Variants in ABCA12 observed in about 807,000 individuals in gnomAD.
ABCA12 encodes ATP binding cassette subfamily A member 12.
A neutral mutation model predicts 293.5 loss-of-function variants in ABCA12; 156 were observed. The observed-to-expected ratio is 0.53, with a 90% confidence interval of 0.47 to 0.61. The LOEUF is 0.61. Among genes scored for constraint, ABCA12 ranks in the 20% least tolerant of loss-of-function variants. ABCA12 has a pLI of 0.00. For missense variants in ABCA12, 2,797 were observed against 3,090.2 expected, an observed-to-expected ratio of 0.91 and a Z score of 2.25; for synonymous variants, 1,063 against 1,108.0, an observed-to-expected ratio of 0.96 and a Z score of 0.81.
chr2:215,078,252 G>A (rs1701871124), intron 2 of ABCA12, among the ~76,000 whole-genome samples: 1 of 152,156 alleles, frequency 6.6e-6, no homozygotes, highest in Non-Finnish European at 1.5e-5. Flanking sequence ...AAAAACAATA[G>A]CCAGGGAAAA....
intron 2 of ABCA12, among the ~76,000 whole-genome samples, chr2:215,084,833 C>T (rs1230551461): frequency 6.6e-6 from 1 of 152,112 alleles, no homozygotes; most frequent in African/African-American, 2.4e-5. Flanking sequence ...GTGGCTCACA[C>T]CAGTAATCCC....
At chr2:214,953,818 T>G (rs1337251236) in intron 44 of ABCA12, 36 bp downstream of exon 44, 1 of 1,606,784 alleles carries the variant, frequency 6.2e-7, no homozygotes, top group East Asian at 2.2e-5. Context: ...TGAGTTCTGT[T>G]TTAGATGTCA....
chr2:215,089,665 T>C (rs777864154), intron 2 of ABCA12, among the ~76,000 whole-genome samples: 6 of 152,214 alleles, frequency 3.9e-5, no homozygotes, highest in Admixed American at 2.6e-4. Context: ...AGGATTTTTA[T>C]CCATTGTTTC....
At chr2:215,096,810 T>C (rs954180564) in intron 2 of ABCA12, among the ~76,000 whole-genome samples, 12 of 152,232 alleles carry the variant, frequency 7.9e-5, no homozygotes, top group Admixed American at 2.0e-4. Context: ...CCATGGGTCA[T>C]TCTTCATTGC....
chr2:215,049,563 G>A lies in ABCA12; in HGVS notation c.693+63C>T, dbSNP rs538785012. The A allele has an allele frequency of 5.1e-4, 766 of 1,501,346 alleles. 9 individuals are homozygous for A. The South Asian group carries it at 8.2e-3, about 16-fold the overall frequency. 93.0% of individuals were successfully genotyped at this position (1,501,346 alleles called of 1,614,324 possible). A position where few individuals can be genotyped will look rare whatever the true frequency, so the allele number is the denominator to read the frequency against. ...CCAGTCAGCATTTCCCAGTCTACAC[G>A]GGCTATAGATTTACCCTTTAATTCA... On this transcript the variant is annotated intron_variant, in intron 6 of 52. Coordinates refer to ENST00000272895, the MANE Select transcript of ABCA12 (RefSeq NM_173076.3).
chr2:215,122,029 A>G (rs185954272), intron 1 of ABCA12, among the ~76,000 whole-genome samples: 1 of 152,332 alleles, frequency 6.6e-6, no homozygotes, highest in East Asian at 1.9e-4. Context: ...TGACTCATCT[A>G]AAAACTGGAA....
intron 2 of ABCA12, among the ~76,000 whole-genome samples, chr2:215,064,778 T>C (rs1274494512): frequency 1.3e-5 from 2 of 151,824 alleles, no homozygotes; most frequent in South Asian, 4.2e-4. Flanking sequence ...CAAAATTTGA[T>C]TGATGGCTTT....
Position 215,058,021 on chromosome 2 carries a change from G to A in ABCA12, c.318-3357C>T, listed in dbSNP as rs1015607261. Among the ~76,000 whole-genome samples, 9 of 152,188 alleles carry A rather than the reference G, an allele frequency of 5.9e-5. 1 individual carries two copies. In the South Asian group the frequency reaches 1.5e-3, roughly 25 times the overall value. On this transcript the variant is annotated intron_variant, in intron 3 of 52. Transcript: ENST00000272895. ...AATGAGAATAGCTAAGTAAGGACAT[G>A]TGCAAAGGAGGACTGGAACACATGA...
chr2:214,942,784 GAGTC>G, intron 50 of ABCA12, 137 bp downstream of exon 50: 2 of 672,176 alleles, frequency 3.0e-6, no homozygotes, highest in Non-Finnish European at 5.3e-6. Flanking sequence ...AATTTAAGGT[GAGTC>G]AGTGACTAGC....
At chr2:215,094,857 A>T (rs1403590494) in intron 2 of ABCA12, among the ~76,000 whole-genome samples, 1 of 150,598 alleles carries the variant, frequency 6.6e-6, no homozygotes, top group Non-Finnish European at 1.5e-5. Flanking sequence ...GTCTGAGTGC[A>T]AGACATCATC....
chr2:215,037,138 G>A (rs908942248), intron 7 of ABCA12, 73 bp from the exon 8 acceptor site: 1 of 1,139,386 alleles, frequency 8.8e-7, no homozygotes. Context: ...ATTATTCAAG[G>A]AGAAAATGGC....
intron 2 of ABCA12, among the ~76,000 whole-genome samples, chr2:215,100,016 C>CTTTT (rs199763276): frequency 8.6e-6 from 1 of 116,082 alleles, no homozygotes; most frequent in African/African-American, 2.9e-5. Flanking sequence ...CTCTCTCTCT[C>CTTTT]TTTTTTTTTT....
intron 23 of ABCA12, among the ~76,000 whole-genome samples, chr2:214,996,085 G>A (rs1298799517): frequency 2.0e-5 from 3 of 152,178 alleles, no homozygotes; most frequent in African/African-American, 4.8e-5. Context: ...GACAAAGGTG[G>A]TTAAATTTCA....
At chr2:214,939,375 A>G (rs1436432826) in intron 50 of ABCA12, among the ~76,000 whole-genome samples, 1 of 152,108 alleles carries the variant, frequency 6.6e-6, no homozygotes, top group Non-Finnish European at 1.5e-5. Context: ...GCCTTGTGGT[A>G]TAGTTTGAAG....
chr2:214,993,601 A>G (rs367962325), intron 23 of ABCA12, among the ~76,000 whole-genome samples: 7 of 152,306 alleles, frequency 4.6e-5, no homozygotes, highest in South Asian at 4.1e-4. Context: ...TATGGAACCT[A>G]TATTACTACT....
chr2:214,971,457 A>G (rs1699383698), intron 36 of ABCA12, among the ~76,000 whole-genome samples: 1 of 152,140 alleles, frequency 6.6e-6, no homozygotes, highest in South Asian at 2.1e-4. Flanking sequence ...AACAACCAAG[A>G]CAAGATACAG....
intron 2 of ABCA12, among the ~76,000 whole-genome samples, chr2:215,064,776 G>A (rs1223327005): frequency 2.0e-5 from 3 of 150,998 alleles, no homozygotes; most frequent in African/African-American, 7.3e-5. Context: ...ACCAAAATTT[G>A]ATTGATGGCT....
At chr2:215,014,697 G>T (rs1362231101) in intron 15 of ABCA12, among the ~76,000 whole-genome samples, 4 of 152,082 alleles carry the variant, frequency 2.6e-5, no homozygotes, top group Non-Finnish European at 5.9e-5. Flanking sequence ...GGCATGAGAT[G>T]ACAGTAACTC....
At chr2:215,052,641 GACC>G (rs1701343351) in intron 4 of ABCA12, 57 bp from the exon 5 acceptor site, 2 of 1,378,026 alleles carry the variant, frequency 1.5e-6, no homozygotes, top group Non-Finnish European at 1.0e-6. Flanking sequence ...AAATGCACAG[GACC>G]ACATGAGAAT....
Sources: allele counts gnomAD v4.1 joint callset (sites outside exome capture counted in the v4.1 genomes callset), GRCh38; gene constraint gnomAD v4.1.1; transcripts MANE v1.5; gene names NCBI Gene and HGNC (gene_info 2026-07-23, HGNC 2026-07-21).